The following NTNG1 variants were observed in gnomAD, a reference collection of about 807,000 sequenced individuals.
NTNG1 encodes netrin G1, also known as netrin-G1.
In NTNG1, 16 loss-of-function variants were observed where a neutral mutation model predicts 54.0. The observed-to-expected ratio is 0.30, with a 90% CI of 0.20 to 0.45. The LOEUF is 0.45. Among genes scored for constraint, NTNG1 ranks in the 20% least tolerant of loss-of-function variants. NTNG1 has a pLI of 1.00. For synonymous variants in NTNG1, 255 were observed against 263.1 expected, an observed-to-expected ratio of 0.97 and a Z score of 0.30; for missense variants, 530 against 678.7, an observed-to-expected ratio of 0.78 and a Z score of 2.43.
intron 3 of NTNG1, among the ~76,000 whole-genome samples, chr1:107,371,528 T>C (rs1670922652): frequency 6.6e-6 from 1 of 151,976 alleles, no homozygotes; most frequent in Admixed American, 6.6e-5. Flanking sequence ...TTTTGAAAGA[T>C]ACAAACTACC....
chr1:107,400,050 T>G (rs1216319949), intron 4 of NTNG1, among the ~76,000 whole-genome samples: 2 of 152,174 alleles, frequency 1.3e-5, no homozygotes, highest in Non-Finnish European at 2.9e-5. Flanking sequence ...TATTATTGAT[T>G]TAGTCGTAAT....
At chr1:107,347,338 C>A (rs1298951719) in intron 3 of NTNG1, among the ~76,000 whole-genome samples, 2 of 152,004 alleles carry the variant, frequency 1.3e-5, no homozygotes, top group African/African-American at 2.4e-5. Flanking sequence ...TATAATGAGA[C>A]CCCCGTATCT....
intron 2 of NTNG1, among the ~76,000 whole-genome samples, chr1:107,226,284 AAT>A (rs1425492730): frequency 1.3e-5 from 2 of 152,260 alleles, no homozygotes; most frequent in East Asian, 3.9e-4. Flanking sequence ...TTAAACGCTA[AAT>A]GCAATGCACT....
intron 2 of NTNG1, among the ~76,000 whole-genome samples, chr1:107,189,726 C>A (rs186334035): frequency 2.7e-4 from 41 of 150,426 alleles, no homozygotes; most frequent in African/African-American, 9.5e-4. Flanking sequence ...CCCTGGACGA[C>A]AAATAGTTCT....
chr1:107,450,525 A>G (rs1020472032), intron 7 of NTNG1, among the ~76,000 whole-genome samples: 2 of 152,128 alleles, frequency 1.3e-5, no homozygotes, highest in Admixed American at 6.6e-5. Flanking sequence ...TAAGAAATCA[A>G]TTTACAAACA....
Position 107,271,614 on chromosome 1 carries a change from C to T in NTNG1, c.247-52668C>T, listed in dbSNP as rs1557859834. On this transcript the variant is annotated intron_variant, in intron 2 of 7. Transcript: ENST00000370068. ...AACAAACTGATATATTCTATTGTAACCTTTAGTTTGCTGTAGATGGATACT... is the reference window on the plus strand; with the variant it reads ...AACAAACTGATATATTCTATTGTAATCTTTAGTTTGCTGTAGATGGATACT... Among the ~76,000 whole-genome samples, 3 of 151,852 alleles carry T rather than the reference C, an allele frequency of 2.0e-5. No individual in the cohort carries two copies. The South Asian group carries it at 6.2e-4, about 31-fold the overall frequency.
chr1:107,391,906 C>A (rs1672389637), intron 3 of NTNG1, among the ~76,000 whole-genome samples: 1 of 152,072 alleles, frequency 6.6e-6, no homozygotes, highest in African/African-American at 2.4e-5. Context: ...ATATCCAAAC[C>A]ATATCAAAGA....
chr1:107,269,450 A>C (rs1375145454), intron 2 of NTNG1, among the ~76,000 whole-genome samples: 1 of 152,286 alleles, frequency 6.6e-6, no homozygotes, highest in East Asian at 1.9e-4. Flanking sequence ...CGTAACAGTT[A>C]CTGCTTTCCG....
At chr1:107,141,801 C>G (rs115363457) in intron 1 of NTNG1, among the ~76,000 whole-genome samples, 3,471 of 152,322 alleles carry the variant, frequency 0.023, 122 homozygotes, top group African/African-American at 0.08. Context: ...CTCCCTCTCT[C>G]ACGCACACCT....
At chr1:107,371,672 G>A (rs990366338) in intron 3 of NTNG1, among the ~76,000 whole-genome samples, 5 of 151,770 alleles carry the variant, frequency 3.3e-5, no homozygotes, top group African/African-American at 4.8e-5. Context: ...TGAATTCTAC[G>A]AAACATTTAA....
intron 2 of NTNG1, among the ~76,000 whole-genome samples, chr1:107,149,301 G>A (rs1378349134): frequency 6.6e-6 from 1 of 152,102 alleles, no homozygotes; most frequent in African/African-American, 2.4e-5. Context: ...TCATAATTAT[G>A]TTCATCAGGA....
intron 2 of NTNG1, among the ~76,000 whole-genome samples, chr1:107,215,831 G>GTT (rs372421602): frequency 3.4e-5 from 5 of 147,680 alleles, no homozygotes; most frequent in African/African-American, 7.4e-5. Context: ...GGTTTTGTAG[G>GTT]TTTTTTTTTT....
At chr1:107,345,561 T>C (rs541223121) in intron 3 of NTNG1, among the ~76,000 whole-genome samples, 54 of 152,264 alleles carry the variant, frequency 3.5e-4, no homozygotes, top group African/African-American at 1.2e-3. Context: ...AGATGGCATT[T>C]CATATTATTC....
chr1:107,353,707 A>G (rs541221238), intron 3 of NTNG1, among the ~76,000 whole-genome samples: 1 of 152,248 alleles, frequency 6.6e-6, no homozygotes, highest in East Asian at 1.9e-4. Flanking sequence ...TTTTTGTGTT[A>G]GTTTATTCTT....
At chr1:107,381,501 A>T (rs1671645737) in intron 3 of NTNG1, among the ~76,000 whole-genome samples, 1 of 152,174 alleles carries the variant, frequency 6.6e-6, no homozygotes, top group East Asian at 1.9e-4. Flanking sequence ...TTCCAAAGCT[A>T]AATGCTAGGT....
intron 2 of NTNG1, among the ~76,000 whole-genome samples, chr1:107,295,980 T>C (rs528998430): frequency 6.6e-6 from 1 of 152,122 alleles, no homozygotes. Flanking sequence ...CTTATTTTCT[T>C]CTAACCTCTT....
intron 2 of NTNG1, among the ~76,000 whole-genome samples, chr1:107,272,679 G>A (rs1664222357): frequency 6.6e-6 from 1 of 152,166 alleles, no homozygotes; most frequent in South Asian, 2.1e-4. Context: ...GTATACAGTT[G>A]AGCAAGTGAA....
intron 3 of NTNG1, among the ~76,000 whole-genome samples, chr1:107,393,182 T>C (rs1022256289): frequency 6.6e-6 from 1 of 152,178 alleles, no homozygotes; most frequent in Non-Finnish European, 1.5e-5. Context: ...ACTCCTTGCA[T>C]TCTTGATCTT....
Position 107,329,475 on chromosome 1 carries a change from G to A in NTNG1, c.887+4553G>A, listed in dbSNP as rs1668153878. Among the ~76,000 whole-genome samples the A allele has an allele frequency of 2.6e-5, 4 of 152,292 alleles. No individual in the cohort carries two copies. The South Asian group carries it at 8.3e-4, about 32-fold the overall frequency. On this transcript the variant is annotated intron_variant, in intron 3 of 7. Transcript: ENST00000370068. ...GGTTAGTGCGAAAGATGTGATGTCA[G>A]GCAAGCAAGAACACTTGGGGAAATT...
Sources: gnomAD v4.1 joint callset for allele counts (sites outside exome capture counted in the v4.1 genomes callset) on GRCh38, gnomAD v4.1.1 for gene constraint, MANE v1.5 for transcripts, NCBI Gene and HGNC (gene_info 2026-07-23, HGNC 2026-07-21) for gene names.